The following SCAP variants were observed in gnomAD, a reference collection of about 807,000 sequenced individuals.
SCAP encodes sterol regulatory element-binding protein cleavage-activating protein.
Under a neutral mutation model 123.6 loss-of-function variants are expected in SCAP, and 65 were observed. The observed-to-expected ratio is 0.53, with a 90% confidence interval of 0.43 to 0.65. The LOEUF (loss-of-function observed/expected upper bound fraction) is 0.65. Among genes scored for constraint, SCAP ranks in the 30% least tolerant of loss-of-function variants. The probability of loss-of-function intolerance (pLI) is 0.00; values close to 1 mark genes in which losing one functional copy is unlikely to be tolerated. For missense variants in SCAP, 1,398 were observed against 1,712.5 expected (o/e 0.82, Z 3.24); for synonymous variants, 740 against 726.3 (o/e 1.02, Z -0.30).
At chr3:47,444,954 T>G (rs1706972465) in intron 1 of SCAP, among the ~76,000 whole-genome samples, 1 of 151,408 alleles carries the variant, frequency 6.6e-6, no homozygotes, top group Admixed American at 6.6e-5. Flanking sequence ...GTATTTTTGA[T>G]AGAGACCAAG....
At chr3:47,476,758 G>C (rs2108051863), upstream of SCAP, among the ~76,000 whole-genome samples, 1 of 152,242 alleles carries the variant, frequency 6.6e-6, no homozygotes, top group South Asian at 2.1e-4. Flanking sequence ...CTCCCCTCGA[G>C]GGAAACACAG....
chr3:47,426,639 G>A (rs181042654), intron 6 of SCAP, among the ~76,000 whole-genome samples: 11 of 152,152 alleles, frequency 7.2e-5, no homozygotes, highest in South Asian at 2.1e-4. Flanking sequence ...GGGTTTCACC[G>A]TGTTAGCCAG....
chr3:47,457,805 G>A (rs1413094324), intron 1 of SCAP, among the ~76,000 whole-genome samples: 1 of 152,064 alleles, frequency 6.6e-6, no homozygotes, highest in Non-Finnish European at 1.5e-5. Context: ...TACTCAGGAG[G>A]CTGAGGCAGG....
In SCAP at chr3:47,417,977, ACGGGGTGGTGGGAGGGGGTG is replaced by A; in HGVS notation, c.2447+137_2448-152del. ...TGGTGCGGGGTGGGGAGAGGGGGGTACGGGGTGGTGGGAGGGGGTGCGGGGGTGGGGGGAGAGGGGGCCTG... is the reference window on the plus strand; with the variant it reads ...TGGTGCGGGGTGGGGAGAGGGGGGTACGGGGGTGGGGGGAGAGGGGGCCTG... On this transcript the variant is annotated intron_variant, in intron 16 of 22. Coordinates refer to ENST00000265565, the MANE Select transcript of SCAP (RefSeq NM_012235.4). 3 of 352,130 alleles carry A rather than the reference ACGGGGTGGTGGGAGGGGGTG, an allele frequency of 8.5e-6. No homozygotes were observed. The East Asian group carries it at 2.1e-4, about 25-fold the overall frequency. 21.8% of individuals were successfully genotyped at this position (352,130 alleles called of 1,614,324 possible).
intron 1 of SCAP, among the ~76,000 whole-genome samples, chr3:47,469,000 A>C (rs1707939487): frequency 6.6e-6 from 1 of 152,218 alleles, no homozygotes; most frequent in Admixed American, 6.6e-5. Flanking sequence ...GATAGTGATG[A>C]TGGTTGCATA....
At position 47,417,163 on chromosome 3, in the gene SCAP, C is replaced by G. The variant is rs775423834; in HGVS notation, c.3015G>C (p.Glu1005Asp). 3.7e-6 allele frequency: 6 copies of G among 1,612,946 alleles called. No individual in the cohort carries two copies. The highest frequency in any genetic ancestry group is 2.5e-6 in the Non-Finnish European group (3 of 1,179,988). Reference sequence around the variant, plus strand: ...CCAGAGCGGTAATGCCTGAGGAGACCTCCTCGCTGCTGCAGCACAGCACCC... The same window carrying G: ...CCAGAGCGGTAATGCCTGAGGAGACGTCCTCGCTGCTGCAGCACAGCACCC... ...IEGVLCCSSE[E>D]VSSGITALVF... Residue 1005 changes from glutamate (E) to aspartate (D), a missense_variant, in exon 18 of 23, where the codon GAG becomes GAC. This residue lies in a region of SCAP where 828 missense variants were observed against 882.5 expected (regional missense o/e 0.94). Transcript: ENST00000265565.
rs777821770 is a variant in SCAP at position 47,427,678 on chromosome 3, G to A, written c.411-11C>T. The A allele has an allele frequency of 6.2e-6, 10 of 1,611,934 alleles. No homozygotes were observed. The South Asian group carries it at 8.8e-5, about 14-fold the overall frequency. ...CTCCTGATCCCAGAGCTGCACAGGA[G>A]ACAGGACAAGGCACCTGCTGTGTCT... On this transcript the variant is annotated splice_polypyrimidine_tract_variant and intron_variant, in intron 4 of 22. Transcript: ENST00000265565.
intron 1 of SCAP, among the ~76,000 whole-genome samples, chr3:47,465,846 A>C (rs902643092): frequency 4.6e-5 from 7 of 151,666 alleles, no homozygotes; most frequent in South Asian, 2.1e-4. Flanking sequence ...AAAAACAAAA[A>C]AAAAAAAGCT....
intron 21 of SCAP, 84 bp downstream of exon 21, chr3:47,414,488 A>G (rs758398161): frequency 5.6e-6 from 9 of 1,599,132 alleles, no homozygotes; most frequent in Non-Finnish European, 7.7e-6. Flanking sequence ...TGCTTCCTGG[A>G]AGGCCCCTGG....
intron 19 of SCAP, 43 bp downstream of exon 19, chr3:47,415,055 G>T (rs775196436): frequency 3.8e-6 from 6 of 1,581,166 alleles, no homozygotes; most frequent in Non-Finnish European, 4.3e-6. Context: ...GCCCCTGCCC[G>T]TCCCACCAAG....
In SCAP at chr3:47,420,945, T is replaced by C. The variant is rs1385523811; in HGVS notation, c.1330A>G (p.Ile444Val). ...LFFTTVLSID[I>V]RRMELADLNK... ...CCCACTCCTACCTCCATCCGGCGAA[T>C]GTCAATGGACAGGACAGTGGTGAAA... The change falls in exon 11 of 23, where the codon ATT becomes GTT. Residue 444 changes from isoleucine to valine, a missense_variant. Ile to Val is a conservative substitution (Grantham distance 29). Around this residue, in one of 7 missense-constraint regions of SCAP, gnomAD observed 66 missense variants for 116.3 expected, o/e 0.57. Coordinates refer to ENST00000265565, the MANE Select transcript of SCAP (RefSeq NM_012235.4). This position sits in a 1 kb window ranked among gnomAD's most constrained non-coding sequence, Gnocchi z 5.0. 24 of 1,613,828 alleles carry C rather than the reference T, an allele frequency of 1.5e-5. No homozygotes were observed. Among genetic ancestry groups the C allele is most frequent in the Non-Finnish European group, 1.9e-5 (23 of 1,179,900 alleles).
At position 47,419,377 on chromosome 3, in the gene SCAP, GGAA is replaced by G; in HGVS notation, c.1888_1890del (p.Phe630del). On this transcript the variant is annotated inframe_deletion, in exon 13 of 23. Coordinates refer to ENST00000265565, the MANE Select transcript of SCAP (RefSeq NM_012235.4). The surrounding 1 kb of genome is among the most constrained non-coding windows in gnomAD (Gnocchi z 5.0). ...TAGCTGAAGAGCGTCGGCCAGTGGC[GGAA>G]GGACAATTTCCTCCAAAGTTCCTCA... 2.5e-6 allele frequency: 4 copies of G among 1,611,634 alleles called. No individual in the cohort carries two copies. Among genetic ancestry groups the G allele is most frequent in the Non-Finnish European group, 3.4e-6 (4 of 1,179,304 alleles).
rs1193667723 is a variant in SCAP at position 47,417,349 on chromosome 3, C to A, written c.2925G>T (p.Leu975=). ...GCCCCACCACGATGAGGTTGCCCTG[C>A]AGCTCCAAGCTCCAGATGGAACCCT... ...SAEGSIWSLE[L]QGNLIVVGRS... is the part of the protein sequence containing the mutation. The change falls in exon 17 of 23, where the codon CTG becomes CTT. Residue 975 remains leucine (L), a synonymous_variant. Transcript: ENST00000265565. 1.2e-6 allele frequency: 2 copies of A among 1,611,448 alleles called. No homozygotes were observed. Among genetic ancestry groups the A allele is most frequent in the South Asian group, 2.2e-5 (2 of 90,854 alleles).
chr3:47,418,626 T>TTACCCCCC, intron 14 of SCAP, 29 bp downstream of exon 14: 20 of 1,459,488 alleles, frequency 1.4e-5, no homozygotes, highest in Non-Finnish European at 1.7e-5. Flanking sequence ...CCGCACTCTT[T>TTACCCCCC]CCCACCCCAC....
chr3:47,440,097 C>T (rs1706737972), intron 2 of SCAP, among the ~76,000 whole-genome samples: 2 of 152,208 alleles, frequency 1.3e-5, no homozygotes, highest in African/African-American at 4.8e-5. Flanking sequence ...ATTTCTGCAG[C>T]TCAGGTGGCT....
intron 1 of SCAP, among the ~76,000 whole-genome samples, chr3:47,450,772 G>T (rs1262224705): frequency 8.2e-6 from 1 of 121,814 alleles, no homozygotes; most frequent in African/African-American, 2.8e-5. Flanking sequence ...ACTGATTATA[G>T]GTGTGAGCCA....
At chr3:47,452,440 T>A (rs576064429) in intron 1 of SCAP, among the ~76,000 whole-genome samples, 1 of 152,296 alleles carries the variant, frequency 6.6e-6, no homozygotes, top group Non-Finnish European at 1.5e-5. Context: ...CAGTGCTCAG[T>A]ACATATCTTC....
intron 3 of SCAP, among the ~76,000 whole-genome samples, chr3:47,431,490 C>T (rs1706356277): frequency 6.6e-6 from 1 of 151,922 alleles, no homozygotes; most frequent in Admixed American, 6.6e-5. Flanking sequence ...AACCACGTTA[C>T]GTTTAGCTGT....
chr3:47,458,811 A>C (rs1413507739), intron 1 of SCAP, among the ~76,000 whole-genome samples: 1 of 152,048 alleles, frequency 6.6e-6, no homozygotes, highest in Admixed American at 6.6e-5. Flanking sequence ...ATTTTTATTT[A>C]TTTCTTTATT....
Sources: allele counts gnomAD v4.1 joint callset (sites outside exome capture counted in the v4.1 genomes callset), GRCh38; gene constraint gnomAD v4.1.1; regional missense constraint gnomAD v4.1.1; non-coding constraint Gnocchi (gnomAD v3.1); transcripts MANE v1.5; gene names NCBI Gene and HGNC (gene_info 2026-07-23, HGNC 2026-07-21).